Variants in SEMA6D observed in about 807,000 individuals in gnomAD.
The protein encoded by SEMA6D is semaphorin 6D.
A neutral mutation model predicts 106.6 loss-of-function variants in SEMA6D; 35 were observed. The ratio of observed to expected loss-of-function variants is 0.33; its 90% CI spans 0.25 to 0.44. The LOEUF is 0.44. Ranked by LOEUF, SEMA6D falls within the 20% of genes least tolerant of loss-of-function variation. The probability of loss-of-function intolerance (pLI) is 1.00; values close to 1 mark genes in which losing one functional copy is unlikely to be tolerated. For synonymous variants in SEMA6D, 499 were observed against 487.7 expected, an observed-to-expected ratio of 1.02 and a Z score of -0.31; for missense variants, 1,185 against 1,345.9, an observed-to-expected ratio of 0.88 and a Z score of 1.87.
intron 1 of SEMA6D, among the ~76,000 whole-genome samples, chr15:47,209,776 A>G (rs1895358725): frequency 6.6e-6 from 1 of 152,182 alleles, no homozygotes; most frequent in Non-Finnish European, 1.5e-5. Flanking sequence ...CTTGTTTCTA[A>G]GGAAGTTTCT....
chr15:47,746,914 C>T (rs1247225764), intron 1 of SEMA6D, among the ~76,000 whole-genome samples: 3 of 151,326 alleles, frequency 2.0e-5, no homozygotes, highest in Admixed American at 1.3e-4. Flanking sequence ...GAAAACCCTT[C>T]GGTTCCCCTG....
rs187693849 is a variant in SEMA6D at position 47,363,368 on chromosome 15, G to A, written c.-238-49025G>A. 4.6e-5 allele frequency among the ~76,000 whole-genome samples: 7 copies of A among 152,230 alleles called. No individual in the cohort carries two copies. In the East Asian group the frequency reaches 1.2e-3, roughly 25 times the overall value. The stretch of plus-strand genomic sequence containing the variant: ...ACACAAAGCAGACCTTAGGTGTGGC[G>A]GGGTCTATGAATTTGAGTTCAGCTT... On this transcript the variant is annotated intron_variant, in intron 1 of 19. Coordinates refer to the SEMA6D transcript ENST00000558014.
At chr15:47,512,790 G>T (rs1382170120) in intron 3 of SEMA6D, among the ~76,000 whole-genome samples, 1 of 152,200 alleles carries the variant, frequency 6.6e-6, no homozygotes, top group East Asian at 1.9e-4. Context: ...GACAGAATTG[G>T]TGACTATGGT....
rs1281767858 is a variant in SEMA6D at position 47,203,061 on chromosome 15, T to C, written c.-239+18643T>C. Among the ~76,000 whole-genome samples the C allele has an allele frequency of 2.0e-5, 3 of 152,216 alleles. No homozygotes were observed. In the East Asian group the frequency reaches 5.8e-4, roughly 29 times the overall value. On this transcript the variant is annotated intron_variant, in intron 1 of 19. Coordinates refer to the SEMA6D transcript ENST00000558014. ...TAAAAAGTTATTTTCAAAAGGAGTC[T>C]GAACTGTTGTTTGTTCAGCTTCCTT...
chr15:47,227,438 T>TTTCTTTCTTTCTTTC (rs374904188), intron 1 of SEMA6D, among the ~76,000 whole-genome samples: 8,648 of 77,178 alleles, frequency 0.11, 431 homozygotes, highest in Middle Eastern at 0.18. Context: ...TCTTTCTTTC[T>TTTCTTTCTTTCTTTC]TTTCTTTCTT....
intron 4 of SEMA6D, among the ~76,000 whole-genome samples, chr15:47,675,948 G>T (rs2078235380): frequency 6.6e-6 from 1 of 150,522 alleles, no homozygotes; most frequent in Non-Finnish European, 1.5e-5. Flanking sequence ...GATGGAATGG[G>T]GAGGGGGGAG....
chr15:47,568,219 G>A lies in SEMA6D; in HGVS notation c.-86-32646G>A, dbSNP rs528982969. On this transcript the variant is annotated intron_variant, in intron 3 of 19. Coordinates refer to the SEMA6D transcript ENST00000558014. ...AAAAAAAAAAAAAAAGACAAAAACC[G>A]CAATTACTTTTGCACCAATCTAATA... Among the ~76,000 whole-genome samples the A allele has an allele frequency of 1.8e-3, 253 of 142,576 alleles. 1 individual carries two copies. Among genetic ancestry groups the A allele is most frequent in the African/African-American group, 6.3e-3 (243 of 38,366 alleles). The allele number at this position is 142,576 out of a possible 152,430, so 93.5% of individuals were successfully genotyped here.
chr15:47,681,753 T>C (rs2078357358), intron 4 of SEMA6D, among the ~76,000 whole-genome samples: 1 of 152,192 alleles, frequency 6.6e-6, no homozygotes, highest in African/African-American at 2.4e-5. Context: ...AGTGGTGATA[T>C]GAGGTTGAAT....
chr15:47,276,547 G>A (rs1465449857), intron 1 of SEMA6D, among the ~76,000 whole-genome samples: 1 of 152,092 alleles, frequency 6.6e-6, no homozygotes, highest in Non-Finnish European at 1.5e-5. Context: ...ATAAACCGTG[G>A]ATGACACTAC....
intron 2 of SEMA6D, among the ~76,000 whole-genome samples, chr15:47,422,836 C>A (rs977961115): frequency 6.6e-6 from 1 of 152,020 alleles, no homozygotes; most frequent in Non-Finnish European, 1.5e-5. Flanking sequence ...CTAAAATGTT[C>A]TTATGCTCTC....
At chr15:47,574,501 C>T (rs2076122324) in intron 3 of SEMA6D, among the ~76,000 whole-genome samples, 1 of 152,100 alleles carries the variant, frequency 6.6e-6, no homozygotes, top group South Asian at 2.1e-4. Context: ...AAAAGGGAAG[C>T]AAATTTTCCC....
At chr15:47,270,068 C>A (rs1337893537) in intron 1 of SEMA6D, among the ~76,000 whole-genome samples, 2 of 149,988 alleles carry the variant, frequency 1.3e-5, no homozygotes, top group Non-Finnish European at 3.0e-5. Context: ...GTTCAAACAT[C>A]TTTCATTGTA....
At chr15:47,562,405 A>G (rs1344654858) in intron 3 of SEMA6D, among the ~76,000 whole-genome samples, 1 of 152,104 alleles carries the variant, frequency 6.6e-6, no homozygotes, top group Non-Finnish European at 1.5e-5. Flanking sequence ...TGAGTTTTAT[A>G]TTCAACATTA....
rs1175705383 is a variant in SEMA6D, at chr15:47,226,704, A to G, written c.-239+42286A>G. Among the ~76,000 whole-genome samples the G allele has an allele frequency of 1.3e-5, 2 of 152,076 alleles. 1 individual carries two copies. The highest frequency in any genetic ancestry group is 1.3e-4 in the Admixed American group (2 of 15,228). ...ATCAAAGAACTTGTGAATAGTAAATAGTGTCAGAAACAATCAAGACATATG... is the reference window on the plus strand; with the variant it reads ...ATCAAAGAACTTGTGAATAGTAAATGGTGTCAGAAACAATCAAGACATATG... On this transcript the variant is annotated intron_variant, in intron 1 of 19. Transcript: ENST00000558014.
intron 1 of SEMA6D, among the ~76,000 whole-genome samples, chr15:47,343,293 A>G (rs751121996): frequency 9.3e-5 from 12 of 129,186 alleles, no homozygotes; most frequent in Non-Finnish European, 1.5e-4. Context: ...TTTAGGGTAC[A>G]TATGCACCAT....
intron 2 of SEMA6D, chr15:47,412,539 T>A (rs2040832166): frequency 6.6e-6 from 1 of 152,474 alleles, no homozygotes; most frequent in South Asian, 2.1e-4. Context: ...TTCCATTAGA[T>A]GTGAAACTGA....
intron 3 of SEMA6D, among the ~76,000 whole-genome samples, chr15:47,561,823 TGA>T (rs2046089927): frequency 6.6e-6 from 1 of 151,830 alleles, no homozygotes; most frequent in African/African-American, 2.4e-5. Context: ...CAAAATTGCA[TGA>T]GAGAGGAAGA....
In SEMA6D at chr15:47,371,610, A is replaced by G. The variant is rs145007916; in HGVS notation, c.-238-40783A>G. 5.9e-3 allele frequency among the ~76,000 whole-genome samples: 897 copies of G among 152,210 alleles called. 13 individuals carry two copies. Among genetic ancestry groups the G allele is most frequent in the African/African-American group, 0.021 (869 of 41,528 alleles). On this transcript the variant is annotated intron_variant, in intron 1 of 19. Coordinates refer to the SEMA6D transcript ENST00000558014. ...TACCCTTCAGTGCTATCACATATGC[A>G]CTATTTCTGTCCCTGCATATGTGGT...
chr15:47,593,654 C>T (rs556082613), intron 3 of SEMA6D, among the ~76,000 whole-genome samples: 1 of 151,840 alleles, frequency 6.6e-6, no homozygotes, highest in Non-Finnish European at 1.5e-5. Flanking sequence ...AAAGAAATAC[C>T]TGAGACTAGG....
Sources: allele counts gnomAD v4.1 joint callset (sites outside exome capture counted in the v4.1 genomes callset), GRCh38; gene constraint gnomAD v4.1.1; transcripts MANE v1.5; gene names NCBI Gene and HGNC (gene_info 2026-07-23, HGNC 2026-07-21).